The following CTDP1 variants were observed in gnomAD, a reference collection of about 807,000 sequenced individuals.
CTDP1 encodes the protein RNA polymerase II subunit A C-terminal domain phosphatase.
In CTDP1, 47 loss-of-function variants were observed where a neutral mutation model predicts 91.8. The observed-to-expected ratio is 0.51, with a 90% CI of 0.41 to 0.65. The LOEUF is 0.65. Among genes scored for constraint, CTDP1 ranks in the 30% least tolerant of loss-of-function variants. The pLI, the probability that CTDP1 is intolerant of heterozygous loss-of-function variation, is 0.00. For synonymous variants in CTDP1, 656 were observed against 598.5 expected (o/e 1.10, Z -1.40); for missense variants, 1,272 against 1,373.7 (o/e 0.93, Z 1.17).
chr18:79,700,827 A>ACT (rs916867489), intron 4 of CTDP1, among the ~76,000 whole-genome samples: 4 of 152,082 alleles, frequency 2.6e-5, no homozygotes, highest in African/African-American at 9.7e-5. Context: ...GGACAGGCTG[A>ACT]CTCTCTCGTT....
chr18:79,735,664 G>GACT (rs995563626), intron 11 of CTDP1: 18 of 153,810 alleles, frequency 1.2e-4, no homozygotes, highest in African/African-American at 4.1e-4. Flanking sequence ...TCGAGGCACT[G>GACT]ACGGTACCCA....
chr18:79,695,254 G>T lies in CTDP1; in HGVS notation c.344G>T (p.Ser115Ile), dbSNP rs370123438. The change falls in exon 2 of 13, where the codon AGC becomes ATC. Residue 115 changes from serine to isoleucine, a missense_variant. Ser to Ile is a moderately radical substitution (Grantham distance 142). Transcript: ENST00000613122. ...GTTCTGGTGAGGTTGGAAGGATGCA[G>T]CCACCCGGTTGTCATGAAAGGCCTG... ...GAVLVRLEGCSHPVVMKGLCA... is the reference protein window; with the variant it reads ...GAVLVRLEGCIHPVVMKGLCA... 6.2e-7 allele frequency: 1 copy of T among 1,614,140 alleles called. No homozygotes were observed. Among genetic ancestry groups the T allele is most frequent in the Non-Finnish European group, 8.5e-7 (1 of 1,180,010 alleles).
At chr18:79,726,981 G>A (rs868570320) in intron 10 of CTDP1, among the ~76,000 whole-genome samples, 28 of 144,252 alleles carry the variant, frequency 1.9e-4, no homozygotes, top group African/African-American at 6.5e-4. Context: ...TGCTGTGGGG[G>A]TGGGGTGACG....
chr18:79,726,917 G>A (rs1482165817), intron 10 of CTDP1, among the ~76,000 whole-genome samples: 1 of 138,560 alleles, frequency 7.2e-6, no homozygotes, highest in Non-Finnish European at 1.5e-5. Context: ...GTGGGATGAC[G>A]CCGTTGCTGG....
chr18:79,728,602 T>A (rs921715826), intron 10 of CTDP1, among the ~76,000 whole-genome samples: 2 of 126,368 alleles, frequency 1.6e-5, no homozygotes, highest in Non-Finnish European at 3.7e-5. Flanking sequence ...TGCCCTTTAT[T>A]CTAAGATGCC....
chr18:79,719,736 C>T (rs2086296073), intron 10 of CTDP1, among the ~76,000 whole-genome samples: 1 of 144,778 alleles, frequency 6.9e-6, no homozygotes, highest in African/African-American at 2.6e-5. Context: ...GATGTCACCT[C>T]CCATCGTGTC....
intron 3 of CTDP1, among the ~76,000 whole-genome samples, chr18:79,696,391 A>G (rs546563861): frequency 6.6e-6 from 1 of 152,284 alleles, no homozygotes; most frequent in South Asian, 2.1e-4. Context: ...GCCAAGTCCT[A>G]ACTGGGGAGG....
chr18:79,737,164 A>G (rs986380613), intron 12 of CTDP1, among the ~76,000 whole-genome samples: 9 of 152,236 alleles, frequency 5.9e-5, no homozygotes, highest in Non-Finnish European at 1.3e-4. Context: ...TTTGGCCGCA[A>G]CAGCGCACTC....
intron 9 of CTDP1, 25 bp downstream of exon 9, chr18:79,717,701 GTCCGTGCCAGGCGT>G: frequency 6.2e-7 from 1 of 1,613,976 alleles, no homozygotes; most frequent in Non-Finnish European, 8.5e-7. Flanking sequence ...CACCCAGCAG[GTCCGTGCCAGGCGT>G]TCCCTTGCTG....
chr18:79,688,793 G>T (rs35493271), intron 1 of CTDP1, among the ~76,000 whole-genome samples: 47,512 of 152,124 alleles, frequency 0.31, 8,764 homozygotes, highest in East Asian at 0.42. Flanking sequence ...TCCTGCCTCA[G>T]CCTCGCTAAG....
intron 4 of CTDP1, among the ~76,000 whole-genome samples, chr18:79,701,534 TAAA>T (rs1165820949): frequency 0.022 from 38 of 1,764 alleles, no homozygotes; most frequent in South Asian, 0.071. Context: ...ATAAATTAAA[TAAA>T]TAAATAAATA....
At chr18:79,689,360 C>G (rs984059693) in intron 1 of CTDP1, among the ~76,000 whole-genome samples, 11 of 152,174 alleles carry the variant, frequency 7.2e-5, no homozygotes, top group Admixed American at 6.5e-4. Flanking sequence ...TACATTTGCA[C>G]CAAGCTGACC....
chr18:79,748,285 GTTT>G (rs1184032168), intron 12 of CTDP1, among the ~76,000 whole-genome samples: 4 of 152,210 alleles, frequency 2.6e-5, no homozygotes, highest in Non-Finnish European at 5.9e-5. Context: ...AAGAGCAAAG[GTTT>G]TGTGCCACCT....
intron 10 of CTDP1, among the ~76,000 whole-genome samples, chr18:79,722,289 T>A (rs535039203): frequency 6.6e-6 from 1 of 152,348 alleles, no homozygotes; most frequent in African/African-American, 2.4e-5. Flanking sequence ...TTCTGAAATG[T>A]GTATAATTTA....
intron 10 of CTDP1, among the ~76,000 whole-genome samples, chr18:79,728,384 G>A (rs1313692745): frequency 6.6e-6 from 1 of 152,226 alleles, no homozygotes; most frequent in Non-Finnish European, 1.5e-5. Context: ...ACAAGCATGA[G>A]CCACCGTGCT....
chr18:79,689,835 C>T (rs1657612799), intron 1 of CTDP1, among the ~76,000 whole-genome samples: 1 of 152,068 alleles, frequency 6.6e-6, no homozygotes, highest in African/African-American at 2.4e-5. Flanking sequence ...TATTTAATGG[C>T]TTATAATCTG....
At chr18:79,730,879 G>A (rs1209057733) in intron 11 of CTDP1, among the ~76,000 whole-genome samples, 1 of 152,236 alleles carries the variant, frequency 6.6e-6, no homozygotes, top group Non-Finnish European at 1.5e-5. Context: ...GCACAGCTGT[G>A]AGGTTGTGAA....
intron 10 of CTDP1, among the ~76,000 whole-genome samples, chr18:79,724,973 G>A (rs1290957650): frequency 6.6e-6 from 1 of 152,198 alleles, no homozygotes; most frequent in Non-Finnish European, 1.5e-5. Context: ...AGATGCCCTT[G>A]ATCAAGTTGG....
chr18:79,719,922 A>G (rs2086300869), intron 10 of CTDP1, among the ~76,000 whole-genome samples: 1 of 140,162 alleles, frequency 7.1e-6, no homozygotes, highest in African/African-American at 2.7e-5. Context: ...TGTCCTGGTG[A>G]TGATGTCACC....
Sources: gnomAD v4.1 joint callset for allele counts (sites outside exome capture counted in the v4.1 genomes callset) on GRCh38, gnomAD v4.1.1 for gene constraint, MANE v1.5 for transcripts, NCBI Gene and HGNC (gene_info 2026-07-23, HGNC 2026-07-21) for gene names.